Variants in ERP44 observed in about 807,000 individuals in gnomAD.
ERP44 encodes the protein endoplasmic reticulum protein 44, also known as endoplasmic reticulum resident protein 44.
A neutral mutation model predicts 53.4 loss-of-function variants in ERP44; 25 were observed. That is an observed-to-expected ratio of 0.47 (90% CI 0.34 to 0.65). The LOEUF is 0.65. Ranked by LOEUF, ERP44 falls within the 30% of genes least tolerant of loss-of-function variation. The pLI, the probability that ERP44 is intolerant of heterozygous loss-of-function variation, is 0.01. For synonymous variants in ERP44, 145 were observed against 161.2 expected (o/e 0.90, Z 0.76); for missense variants, 338 against 493.2 (o/e 0.69, Z 2.98).
At chr9:100,032,126 G>T (rs887781783) in intron 4 of ERP44, among the ~76,000 whole-genome samples, 2 of 151,564 alleles carry the variant, frequency 1.3e-5, no homozygotes, top group Admixed American at 1.3e-4. Flanking sequence ...TCTTTTTTTT[G>T]GGATCCAGGA....
chr9:100,071,392 G>C (rs184198029), intron 1 of ERP44, among the ~76,000 whole-genome samples: 65 of 152,282 alleles, frequency 4.3e-4, no homozygotes, highest in African/African-American at 1.4e-3. Flanking sequence ...ATGTGGCCCT[G>C]ACTGTTTTTG....
intron 4 of ERP44, among the ~76,000 whole-genome samples, chr9:100,037,014 A>C (rs899815345): frequency 3.3e-5 from 5 of 152,228 alleles, no homozygotes; most frequent in African/African-American, 9.6e-5. Flanking sequence ...AAGCACCTTC[A>C]TAAGAACCAA....
At chr9:99,987,541 T>C (rs1830207890) in intron 10 of ERP44, among the ~76,000 whole-genome samples, 1 of 152,244 alleles carries the variant, frequency 6.6e-6, no homozygotes, top group South Asian at 2.1e-4. Flanking sequence ...GTAATACGTA[T>C]TTTTATTTCT....
intron 1 of ERP44, among the ~76,000 whole-genome samples, chr9:100,094,209 A>C (rs949543243): frequency 6.6e-6 from 1 of 152,172 alleles, no homozygotes; most frequent in Non-Finnish European, 1.5e-5. Flanking sequence ...ATAAAATTTT[A>C]AGTTAAAAAA....
chr9:99,989,250 CGT>C (rs1361602257), intron 10 of ERP44, among the ~76,000 whole-genome samples: 3 of 152,186 alleles, frequency 2.0e-5, no homozygotes, highest in Non-Finnish European at 4.4e-5. Flanking sequence ...CCCTGACCCC[CGT>C]GTAGCCTAAC....
intron 10 of ERP44, among the ~76,000 whole-genome samples, chr9:99,988,214 C>T (rs989527467): frequency 1.2e-4 from 19 of 152,138 alleles, no homozygotes; most frequent in Non-Finnish European, 2.4e-4. Context: ...TCTGCCATCC[C>T]TATATCTTCT....
At chr9:100,009,586 C>T (rs1224066740) in intron 8 of ERP44, among the ~76,000 whole-genome samples, 1 of 152,044 alleles carries the variant, frequency 6.6e-6, no homozygotes, top group African/African-American at 2.4e-5. Flanking sequence ...TTAACTGATG[C>T]TGGTCTCAAT....
chr9:100,046,681 T>G (rs931056902), intron 4 of ERP44, among the ~76,000 whole-genome samples: 1 of 152,134 alleles, frequency 6.6e-6, no homozygotes, highest in Non-Finnish European at 1.5e-5. Context: ...ATCATTAAAA[T>G]AACAATTTCC....
At chr9:100,071,612 A>G (rs75743799) in intron 1 of ERP44, among the ~76,000 whole-genome samples, 15,875 of 152,102 alleles carry the variant, frequency 0.1, 1,128 homozygotes, top group Non-Finnish European at 0.16. Context: ...TTAATCCACT[A>G]CTGACTTTAA....
intron 1 of ERP44, among the ~76,000 whole-genome samples, chr9:100,071,309 A>G (rs1826301659): frequency 6.6e-6 from 1 of 152,122 alleles, no homozygotes; most frequent in Admixed American, 6.5e-5. Context: ...ATTGGCACAC[A>G]CATTTCTACA....
At position 100,098,869 on chromosome 9, in the gene ERP44, G is replaced by A; in HGVS notation, c.-29C>T. On this transcript the variant is annotated 5_prime_UTR_variant, in exon 1 of 12. Coordinates refer to ENST00000262455, the MANE Select transcript of ERP44 (RefSeq NM_015051.3). ...AACGCTGGGGTCCGTGACAGGGACA[G>A]GCGCTGGCGGCTGGGACTGGGCTAG... is the stretch of plus-strand genomic sequence containing the variant. 1 of 1,605,968 alleles carries A rather than the reference G, an allele frequency of 6.2e-7. No homozygotes were observed. Among genetic ancestry groups the A allele is most frequent in the East Asian group, 2.2e-5 (1 of 44,664 alleles).
chr9:100,025,694 T>A (rs1238092857), intron 4 of ERP44, among the ~76,000 whole-genome samples: 1 of 152,320 alleles, frequency 6.6e-6, no homozygotes, highest in East Asian at 1.9e-4. Flanking sequence ...GAAATGGTGA[T>A]ATACTAACAG....
At chr9:100,086,560 A>G (rs1031342786) in intron 1 of ERP44, among the ~76,000 whole-genome samples, 1 of 152,230 alleles carries the variant, frequency 6.6e-6, no homozygotes, top group Non-Finnish European at 1.5e-5. Context: ...TATCTCCTAC[A>G]TGCCAGACAT....
intron 1 of ERP44, among the ~76,000 whole-genome samples, chr9:100,089,580 C>CAAAAAAAA (rs71498726): frequency 2.3e-5 from 1 of 43,548 alleles, no homozygotes; most frequent in Non-Finnish European, 4.9e-5. Context: ...GACTCCATCT[C>CAAAAAAAA]AAAAAAAAAA....
At chr9:100,034,019 A>G (rs1300556245) in intron 4 of ERP44, among the ~76,000 whole-genome samples, 1 of 152,064 alleles carries the variant, frequency 6.6e-6, no homozygotes, top group Non-Finnish European at 1.5e-5. Flanking sequence ...AACCAGGTCA[A>G]CTCTGTCAGA....
At chr9:100,081,385 T>C (rs761726236) in intron 1 of ERP44, among the ~76,000 whole-genome samples, 1 of 152,146 alleles carries the variant, frequency 6.6e-6, no homozygotes, top group Non-Finnish European at 1.5e-5. Flanking sequence ...GACAGTGTAA[T>C]AGTTGTAAAC....
chr9:100,075,305 G>A (rs753809622), intron 1 of ERP44, among the ~76,000 whole-genome samples: 4 of 152,232 alleles, frequency 2.6e-5, no homozygotes, highest in Non-Finnish European at 4.4e-5. Context: ...CCCGGTACCC[G>A]GTATGCAGCC....
At chr9:100,002,728 T>TAATCTTCTCTTGCTGCTTTCAG (rs1564087464) in intron 10 of ERP44, among the ~76,000 whole-genome samples, 114 of 151,904 alleles carry the variant, frequency 7.5e-4, no homozygotes, top group African/African-American at 2.4e-3. Context: ...GCTGCTTTCA[T>TAATCTTCTCTTGCTGCTTTCAG]AATCTTCTCT....
At position 99,979,339 on chromosome 9, in the gene ERP44, C is replaced by T. The variant is rs184056403; in HGVS notation, c.*3273G>A. The T allele has an allele frequency of 6.6e-6, 1 of 150,784 alleles. No individual in the cohort carries two copies. The highest frequency in any genetic ancestry group is 1.5e-5 in the Non-Finnish European group (1 of 67,836). The allele number at this position is 150,784 out of a possible 1,614,324, so 9.3% of individuals were successfully genotyped here. A position where few individuals can be genotyped will look rare whatever the true frequency, so the allele number is the denominator to read the frequency against. ...GGTTTAAAAAAGAAAAAAAAAAAAG[C>T]CTTCTTGACAACCTTAGCATTTTCT... is the stretch of plus-strand genomic sequence containing the variant. On this transcript the variant is annotated 3_prime_UTR_variant, in exon 12 of 12. Transcript: ENST00000262455.
Sources: allele counts gnomAD v4.1 joint callset (sites outside exome capture counted in the v4.1 genomes callset), GRCh38; gene constraint gnomAD v4.1.1; transcripts MANE v1.5; gene names NCBI Gene and HGNC (gene_info 2026-07-23, HGNC 2026-07-21).